The following P3H2 variants were observed in gnomAD, a reference collection of about 807,000 sequenced individuals.
P3H2 encodes the protein leprecan-like 1.
P3H2 carries 80 observed loss-of-function variants against 87.0 expected under a neutral mutation model. The observed-to-expected ratio is 0.92, with a 90% CI of 0.77 to 1.11. The LOEUF is 1.11. Ranked by LOEUF, P3H2 falls within the 50% of genes least tolerant of loss-of-function variation. The pLI is 0.00. For synonymous variants in P3H2, 367 were observed against 359.3 expected (o/e 1.02, Z -0.24); for missense variants, 1,001 against 923.9 (o/e 1.08, Z -1.08).
At chr3:189,968,543 C>T (rs577152930) in intron 13 of P3H2, among the ~76,000 whole-genome samples, 300 of 152,158 alleles carry the variant, frequency 2.0e-3, no homozygotes, top group African/African-American at 6.8e-3. Flanking sequence ...TGAACAGTGC[C>T]GCAATAAACA....
At chr3:190,051,891 C>T (rs1437557097) in intron 1 of P3H2, among the ~76,000 whole-genome samples, 1 of 152,154 alleles carries the variant, frequency 6.6e-6, no homozygotes, top group Non-Finnish European at 1.5e-5. Flanking sequence ...CTTCCCCTCT[C>T]AGGCCTGGGA....
chr3:190,012,361 A>T (rs1724621427), intron 1 of P3H2, among the ~76,000 whole-genome samples: 1 of 152,098 alleles, frequency 6.6e-6, no homozygotes, highest in Non-Finnish European at 1.5e-5. Flanking sequence ...TCTTTCTAAA[A>T]TGCAAATCTG....
At chr3:189,982,967 C>T (rs1723582495) in intron 8 of P3H2, 79 bp downstream of exon 8, 2 of 1,074,594 alleles carry the variant, frequency 1.9e-6, no homozygotes, top group South Asian at 1.2e-5. Flanking sequence ...GTGGGTTCTT[C>T]CTTGATCTGG....
At chr3:190,001,600 C>G (rs1228487708) in intron 1 of P3H2, among the ~76,000 whole-genome samples, 1 of 152,162 alleles carries the variant, frequency 6.6e-6, no homozygotes, top group Admixed American at 6.5e-5. Flanking sequence ...TGAAGACATC[C>G]TGTTTCTAAG....
chr3:190,004,719 C>T (rs1724334275), intron 1 of P3H2, among the ~76,000 whole-genome samples: 2 of 152,148 alleles, frequency 1.3e-5, no homozygotes, highest in African/African-American at 4.8e-5. Context: ...AAAACTTGTC[C>T]AGGGACAGAG....
At chr3:189,965,793 C>G (rs1722957099) in intron 13 of P3H2, among the ~76,000 whole-genome samples, 1 of 151,952 alleles carries the variant, frequency 6.6e-6, no homozygotes, top group Non-Finnish European at 1.5e-5. Context: ...TGAGACCAGC[C>G]TGGCCAACAT....
At chr3:189,971,638 T>A in intron 12 of P3H2, 1 of 453,124 alleles carries the variant, frequency 2.2e-6, no homozygotes, top group Non-Finnish European at 4.1e-6. Flanking sequence ...TAAAAGAACA[T>A]AAAATTTACT....
rs77186307 is a variant in P3H2 at position 190,018,036 on chromosome 3, G to A, written c.481-22594C>T. 2.2e-3 allele frequency among the ~76,000 whole-genome samples: 338 copies of A among 152,294 alleles called. 1 individual carries two copies. Among genetic ancestry groups the A allele is most frequent in the Non-Finnish European group, 3.6e-3 (247 of 68,024 alleles). On this transcript the variant is annotated intron_variant, in intron 1 of 14. Coordinates refer to ENST00000319332, the MANE Select transcript of P3H2 (RefSeq NM_018192.4). ...TCAGGTGGCTGAAGTCACAGTGACCGATTCTGTAGTTCCTTATGAATTCAT... is the reference window on the plus strand; with the variant it reads ...TCAGGTGGCTGAAGTCACAGTGACCAATTCTGTAGTTCCTTATGAATTCAT...
intron 1 of P3H2, among the ~76,000 whole-genome samples, chr3:190,086,127 C>A (rs1013343726): frequency 6.6e-6 from 1 of 152,174 alleles, no homozygotes; most frequent in Non-Finnish European, 1.5e-5. Context: ...CTACTCATCC[C>A]CAAAATTCAA....
In P3H2 at chr3:190,019,438, CATTT is replaced by C. The variant is rs149731410; in HGVS notation, c.481-24000_481-23997del. ...ATATTCAATAGCATTTATTCAGTGA[CATTT>C]ATTTATTTATTCTTACATGATGAGA... On this transcript the variant is annotated intron_variant, in intron 1 of 14. Transcript: ENST00000319332. Among the ~76,000 whole-genome samples the C allele has an allele frequency of 3.9e-3, 586 of 152,200 alleles. 5 individuals are homozygous for C. Among genetic ancestry groups the C allele is most frequent in the African/African-American group, 0.013 (540 of 41,534 alleles).
intron 3 of P3H2, among the ~76,000 whole-genome samples, chr3:189,989,469 C>G (rs1391554270): frequency 6.6e-6 from 1 of 152,088 alleles, no homozygotes; most frequent in Non-Finnish European, 1.5e-5. Flanking sequence ...TGTTAAGGAA[C>G]AGTTTGGAAA....
intron 1 of P3H2, among the ~76,000 whole-genome samples, chr3:190,067,195 A>G (rs192005099): frequency 1.2e-4 from 18 of 152,050 alleles, no homozygotes; most frequent in Non-Finnish European, 2.1e-4. Flanking sequence ...TGTCTCTACT[A>G]TCAGATTCAT....
chr3:190,082,488 T>C (rs1276819642), intron 1 of P3H2, among the ~76,000 whole-genome samples: 1 of 152,210 alleles, frequency 6.6e-6, no homozygotes, highest in East Asian at 1.9e-4. Flanking sequence ...TTTTGATATA[T>C]GTACAAGGTA....
intron 10 of P3H2, 179 bp from the exon 11 acceptor site, chr3:189,973,203 C>T: frequency 1.7e-6 from 1 of 601,328 alleles, no homozygotes; most frequent in Non-Finnish European, 2.9e-6. Flanking sequence ...TAAACTCTTC[C>T]CAATAACAGA....
intron 1 of P3H2, among the ~76,000 whole-genome samples, chr3:190,075,116 G>T (rs1444914000): frequency 6.6e-6 from 1 of 152,194 alleles, no homozygotes; most frequent in Admixed American, 6.5e-5. Context: ...CAGAGATCCT[G>T]TTCTCAAGGA....
intron 1 of P3H2, among the ~76,000 whole-genome samples, chr3:190,025,109 C>G (rs947027187): frequency 6.6e-6 from 1 of 152,074 alleles, no homozygotes; most frequent in Non-Finnish European, 1.5e-5. Flanking sequence ...GTAAAGCCTA[C>G]GAAATGGGGG....
At chr3:190,064,223 C>T (rs1726425100) in intron 1 of P3H2, among the ~76,000 whole-genome samples, 1 of 151,368 alleles carries the variant, frequency 6.6e-6, no homozygotes. Flanking sequence ...ACTCCTGTTG[C>T]TCAGTTCTTG....
intron 14 of P3H2, among the ~76,000 whole-genome samples, chr3:189,961,401 AGGAT>A (rs1363067145): frequency 2.0e-5 from 3 of 152,234 alleles, no homozygotes; most frequent in Non-Finnish European, 2.9e-5. Flanking sequence ...CATCCTTAAA[AGGAT>A]GTTGCTAAAT....
chr3:190,059,269 G>A (rs1726261626), intron 1 of P3H2, among the ~76,000 whole-genome samples: 2 of 151,976 alleles, frequency 1.3e-5, no homozygotes, highest in South Asian at 4.2e-4. Context: ...TGAGTAGCAG[G>A]TCTGTGTTTT....
Sources: allele counts gnomAD v4.1 joint callset (sites outside exome capture counted in the v4.1 genomes callset), GRCh38; gene constraint gnomAD v4.1.1; transcripts MANE v1.5; gene names NCBI Gene and HGNC (gene_info 2026-07-23, HGNC 2026-07-21).